AAGAB: variants seen among roughly 807,000 people sequenced by gnomAD.
AAGAB encodes alpha- and gamma-adaptin-binding protein p34.
A neutral mutation model predicts 44.1 loss-of-function variants in AAGAB; 38 were observed. That is an observed-to-expected ratio of 0.86 (90% CI 0.67 to 1.13). AAGAB has a LOEUF of 1.13. AAGAB is among the 50% of genes most tolerant of loss of function. AAGAB has a pLI of 0.00. For synonymous variants in AAGAB, 131 were observed against 131.8 expected (o/e 0.99, Z 0.04); for missense variants, 450 against 373.8 (o/e 1.20, Z -1.68).
At chr15:67,212,239 A>G (rs1377064910) in intron 5 of AAGAB, among the ~76,000 whole-genome samples, 3 of 152,220 alleles carry the variant, frequency 2.0e-5, no homozygotes, top group African/African-American at 7.2e-5. Context: ...GACGGGAGTT[A>G]GGAGTAGGAG....
intron 1 of AAGAB, chr15:67,242,732 C>A (rs1964632480): frequency 6.6e-6 from 1 of 152,322 alleles, no homozygotes; most frequent in Admixed American, 6.5e-5. Context: ...CCTGTGTAAT[C>A]ATACCCCAGT....
At chr15:67,249,366 G>A (rs1964807744) in intron 1 of AAGAB, among the ~76,000 whole-genome samples, 2 of 152,130 alleles carry the variant, frequency 1.3e-5, no homozygotes, top group South Asian at 4.1e-4. Flanking sequence ...TAGAAGAGAT[G>A]TTAGAAATGA....
intron 7 of AAGAB, among the ~76,000 whole-genome samples, chr15:67,204,674 A>ATCTAC (rs1336152131): frequency 6.6e-6 from 1 of 152,248 alleles, no homozygotes; most frequent in Non-Finnish European, 1.5e-5. Flanking sequence ...ATCTAAAATT[A>ATCTAC]CAGCTATTCA....
intron 7 of AAGAB, among the ~76,000 whole-genome samples, chr15:67,205,936 C>A (rs1431825399): frequency 2.0e-5 from 3 of 152,158 alleles, no homozygotes; most frequent in Non-Finnish European, 4.4e-5. Flanking sequence ...TCTATATGCT[C>A]TTCACCCACT....
At chr15:67,246,155 C>T (rs961622476) in intron 1 of AAGAB, among the ~76,000 whole-genome samples, 6 of 152,108 alleles carry the variant, frequency 3.9e-5, no homozygotes, top group Admixed American at 1.3e-4. Flanking sequence ...CCAAGGTGAG[C>T]GGATCAGCTG....
At chr15:67,205,840 T>C (rs2140342707) in intron 7 of AAGAB, among the ~76,000 whole-genome samples, 1 of 151,918 alleles carries the variant, frequency 6.6e-6, no homozygotes, top group East Asian at 1.9e-4. Context: ...TGTGGAAATG[T>C]TTGGTTTTTG....
At position 67,236,794 on chromosome 15, in the gene AAGAB, C is replaced by CA. The variant is rs1567027766; in HGVS notation, c.99dup (p.Val34CysfsTer7). ...ACAGCATCATTGGAAGTCACTTCCA[C>CA]AATAAGATCTTCTGTTCCAAGGATA... On this transcript the variant is annotated frameshift_variant, in exon 2 of 10. Transcript: ENST00000261880. LOFTEE classifies it high-confidence loss of function. 2 of 1,610,926 alleles carry CA rather than the reference C, an allele frequency of 1.2e-6. No homozygotes were observed. Among genetic ancestry groups the CA allele is most frequent in the South Asian group, 2.2e-5 (2 of 90,224 alleles).
Position 67,214,189 on chromosome 15 carries a change from A to G in AAGAB, c.536-4645T>C, listed in dbSNP as rs538988516. Among the ~76,000 whole-genome samples the G allele has an allele frequency of 7.7e-3, 1,102 of 143,528 alleles. 13 individuals carry two copies. Among genetic ancestry groups the G allele is most frequent in the Non-Finnish European group, 8.9e-3 (575 of 64,302 alleles). The allele number at this position is 143,528 out of a possible 152,430, so 94.2% of individuals were successfully genotyped here. On this transcript the variant is annotated intron_variant, in intron 5 of 9. Transcript: ENST00000261880. ...CAAAAAGATGATGTTTCATTCATAT[A>G]TAGTTCTCTTTTGTCAGTAATCCTT...
At chr15:67,209,404 T>C in intron 6 of AAGAB, 58 bp downstream of exon 6, 1 of 1,334,230 alleles carries the variant, frequency 7.5e-7, no homozygotes, top group Non-Finnish European at 1.1e-6. Flanking sequence ...TCAAGATTCA[T>C]AATGACAAGG....
At chr15:67,251,183 T>C (rs910483990) in intron 1 of AAGAB, among the ~76,000 whole-genome samples, 3 of 152,186 alleles carry the variant, frequency 2.0e-5, no homozygotes, top group Non-Finnish European at 4.4e-5. Context: ...ACTTTATGCA[T>C]AGTAGAGGCC....
At chr15:67,240,298 G>C (rs1964565955) in intron 1 of AAGAB, among the ~76,000 whole-genome samples, 1 of 152,040 alleles carries the variant, frequency 6.6e-6, no homozygotes, top group Non-Finnish European at 1.5e-5. Flanking sequence ...AGACTTCCTA[G>C]AAAAACCTGC....
intron 5 of AAGAB, among the ~76,000 whole-genome samples, chr15:67,224,471 G>A (rs1964152824): frequency 6.6e-6 from 1 of 152,136 alleles, no homozygotes; most frequent in South Asian, 2.1e-4. Flanking sequence ...GTACAGAGGA[G>A]TTATGAGAAG....
intron 1 of AAGAB, among the ~76,000 whole-genome samples, chr15:67,252,545 G>T (rs1173097814): frequency 6.6e-6 from 1 of 152,126 alleles, no homozygotes; most frequent in East Asian, 1.9e-4. Flanking sequence ...AGAAATGTTA[G>T]CAGTATTTGT....
intron 1 of AAGAB, among the ~76,000 whole-genome samples, chr15:67,245,210 T>C (rs1964692443): frequency 6.6e-6 from 1 of 152,194 alleles, no homozygotes; most frequent in Non-Finnish European, 1.5e-5. Context: ...TGCACAAGAA[T>C]GTTCATAACA....
chr15:67,240,349 G>A (rs1964566974), intron 1 of AAGAB, among the ~76,000 whole-genome samples: 1 of 151,992 alleles, frequency 6.6e-6, no homozygotes, highest in Non-Finnish European at 1.5e-5. Context: ...TTATTATGTT[G>A]TAGACTCCGA....
upstream of AAGAB, chr15:67,255,111 G>A (rs1965091479): frequency 2.9e-6 from 2 of 679,560 alleles, no homozygotes; most frequent in South Asian, 3.4e-5. Flanking sequence ...CTTCCCCCAC[G>A]GCCCAGCACA....
intron 8 of AAGAB, 142 bp downstream of exon 8, chr15:67,203,902 A>C: frequency 1.6e-6 from 1 of 622,544 alleles, no homozygotes; most frequent in Non-Finnish European, 2.7e-6. Context: ...TTTTTTACCA[A>C]GTCCCAGGAG....
At chr15:67,216,248 C>A (rs8027890) in intron 5 of AAGAB, among the ~76,000 whole-genome samples, 2 of 151,312 alleles carry the variant, frequency 1.3e-5, no homozygotes, top group South Asian at 4.2e-4. Context: ...TCGAAACCAG[C>A]GTGGCCAACG....
Position 67,203,568 on chromosome 15 carries a change from T to C in AAGAB, c.850A>G (p.Arg284Gly). 6.2e-7 allele frequency: 1 copy of C among 1,613,802 alleles called. No individual in the cohort carries two copies. The highest frequency in any genetic ancestry group is 1.3e-5 in the African/African-American group (1 of 75,050). Residue 284 changes from arginine (R) to glycine (G), a missense_variant, in exon 9 of 10, where the codon AGA becomes GGA. Physicochemically the swap from Arg to Gly is moderately radical, Grantham distance 125. Transcript: ENST00000261880. ...CTCACCTTTTCTGCATGCACTTTTC[T>C]TTGCTCATGAGGAAGCGTCGCAGCC... ...DKAATLPHEQ[R>G]KVHAEKVAKA...
Sources: allele counts gnomAD v4.1 joint callset (sites outside exome capture counted in the v4.1 genomes callset), GRCh38; gene constraint gnomAD v4.1.1; transcripts MANE v1.5; gene names NCBI Gene and HGNC (gene_info 2026-07-23, HGNC 2026-07-21).